LYN: variants seen among roughly 807,000 people sequenced by gnomAD.
LYN encodes LYN proto-oncogene, Src family tyrosine kinase.
LYN carries 12 observed loss-of-function variants against 65.0 expected under a neutral mutation model. That is an observed-to-expected ratio of 0.18 (90% CI 0.12 to 0.30). LYN has a LOEUF of 0.30. LYN is among the 10% of genes least tolerant of loss of function. LYN has a pLI of 1.00. For synonymous variants in LYN, 222 were observed against 221.2 expected (o/e 1.00, Z -0.03); for missense variants, 380 against 623.2 (o/e 0.61, Z 4.16).
At chr8:55,952,858 T>G (rs1001511620) in intron 7 of LYN, among the ~76,000 whole-genome samples, 1 of 152,172 alleles carries the variant, frequency 6.6e-6, no homozygotes, top group Non-Finnish European at 1.5e-5. Flanking sequence ...CTGAAATATT[T>G]AGAAGTGGCA....
rs569473175 is a variant in LYN, at chr8:55,977,218, C to T, written c.1050+7425C>T. ...AAATAAAAATAAAAATAAACTAGAC[C>T]GGTTCATTCTCAGTTGTGGAAGACT... is the stretch of plus-strand genomic sequence containing the variant. On this transcript the variant is annotated intron_variant, in intron 10 of 12. Transcript: ENST00000519728. Among the ~76,000 whole-genome samples, 47 of 152,136 alleles carry T rather than the reference C, an allele frequency of 3.1e-4. 2 individuals are homozygous for T. The South Asian group carries it at 6.6e-3, about 21-fold the overall frequency.
intron 1 of LYN, among the ~76,000 whole-genome samples, chr8:55,930,971 C>G (rs1806251752): frequency 6.6e-6 from 1 of 152,014 alleles, no homozygotes; most frequent in Non-Finnish European, 1.5e-5. Context: ...TTCTTACTCC[C>G]ACGGACAATT....
chr8:55,956,820 A>C (rs2130504369), intron 8 of LYN, among the ~76,000 whole-genome samples: 1 of 152,230 alleles, frequency 6.6e-6, no homozygotes. Flanking sequence ...TCGCAATCAC[A>C]CTTAATTGTG....
intron 7 of LYN, among the ~76,000 whole-genome samples, chr8:55,952,814 T>C (rs1043300064): frequency 6.6e-6 from 1 of 152,198 alleles, no homozygotes; most frequent in African/African-American, 2.4e-5. Flanking sequence ...GTAATGTATA[T>C]TCTTGGTAAA....
intron 1 of LYN, among the ~76,000 whole-genome samples, chr8:55,901,422 T>C (rs2130382288): frequency 6.6e-6 from 1 of 152,308 alleles, no homozygotes; most frequent in East Asian, 1.9e-4. Flanking sequence ...ACTGTTTAAT[T>C]GAACGGTTTC....
At chr8:55,911,246 C>CGTGT (rs1334977538) in intron 1 of LYN, among the ~76,000 whole-genome samples, 101 of 5,112 alleles carry the variant, frequency 0.02, 34 homozygotes, top group Non-Finnish European at 0.039. Context: ...TATATATATA[C>CGTGT]GTGTGTGTGT....
chr8:55,930,111 C>T (rs561897303), intron 1 of LYN, among the ~76,000 whole-genome samples: 69 of 152,312 alleles, frequency 4.5e-4, no homozygotes, highest in African/African-American at 1.5e-3. Flanking sequence ...CACCACCCCC[C>T]ACCTGACCCC....
intron 10 of LYN, among the ~76,000 whole-genome samples, chr8:55,983,785 T>A (rs569888108): frequency 6.6e-6 from 1 of 152,342 alleles, no homozygotes; most frequent in South Asian, 2.1e-4. Context: ...AACCTTGCAA[T>A]GTCCCAGAAC....
chr8:55,880,941 T>C (rs1269296692), intron 1 of LYN, among the ~76,000 whole-genome samples: 1 of 152,214 alleles, frequency 6.6e-6, no homozygotes, highest in Admixed American at 6.5e-5. Context: ...TGTTTTTGTA[T>C]ATCCGAGTGT....
At chr8:55,989,452 T>C (rs924316663) in intron 10 of LYN, among the ~76,000 whole-genome samples, 1 of 152,172 alleles carries the variant, frequency 6.6e-6, no homozygotes, top group Admixed American at 6.5e-5. Context: ...GTGTGTTTGA[T>C]GACACAAAAC....
rs1416147287 is a variant in LYN at position 56,011,920 on chromosome 8, G to A, written c.*1810G>A. On this transcript the variant is annotated 3_prime_UTR_variant, in exon 13 of 13. Transcript: ENST00000519728. The stretch of plus-strand genomic sequence containing the variant: ...TATTACCCAATATGTTACATGGAGA[G>A]GAACTATAAAGAATCCCTAAGGCAA... The A allele has an allele frequency of 1.1e-5, 2 of 187,140 alleles. No homozygotes were observed. Among genetic ancestry groups the A allele is most frequent in the African/African-American group, 4.7e-5 (2 of 42,644 alleles). 11.6% of individuals were successfully genotyped at this position (187,140 alleles called of 1,614,324 possible).
In LYN at chr8:55,995,083, T is replaced by G. The variant is rs377001364; in HGVS notation, c.1051-3263T>G. ...AGGAAACAGAGGCAGGGCTCCTCTC[T>G]CCCAGCCGCCACCAAAATTGCCACC... On this transcript the variant is annotated intron_variant, in intron 10 of 12. Coordinates refer to ENST00000519728, the MANE Select transcript of LYN (RefSeq NM_002350.4). 1.4e-4 allele frequency among the ~76,000 whole-genome samples: 21 copies of G among 152,230 alleles called. No homozygotes were observed. In the South Asian group the frequency reaches 2.1e-3, roughly 15 times the overall value.
At chr8:55,918,812 G>A (rs943773661) in intron 1 of LYN, among the ~76,000 whole-genome samples, 3 of 152,102 alleles carry the variant, frequency 2.0e-5, no homozygotes, top group African/African-American at 7.2e-5. Flanking sequence ...GATTCTGATC[G>A]GGTCCTGATG....
intron 1 of LYN, among the ~76,000 whole-genome samples, chr8:55,911,689 C>T (rs1805643021): frequency 6.6e-6 from 1 of 151,876 alleles, no homozygotes; most frequent in African/African-American, 2.4e-5. Context: ...CTGCGGGGCA[C>T]CTGCCCTGGA....
chr8:55,909,298 A>G (rs1805533425), intron 1 of LYN, among the ~76,000 whole-genome samples: 1 of 152,200 alleles, frequency 6.6e-6, no homozygotes, highest in African/African-American at 2.4e-5. Flanking sequence ...ACTGGACCCC[A>G]GTCCTGGCAT....
intron 10 of LYN, among the ~76,000 whole-genome samples, chr8:55,988,306 G>GTT (rs1169812545): frequency 6.6e-6 from 1 of 151,654 alleles, no homozygotes; most frequent in Non-Finnish European, 1.5e-5. Flanking sequence ...GTGTGTGTGT[G>GTT]TGTGTGTGTG....
At chr8:55,962,072 T>A (rs971044659) in intron 8 of LYN, among the ~76,000 whole-genome samples, 1 of 152,270 alleles carries the variant, frequency 6.6e-6, no homozygotes, top group Non-Finnish European at 1.5e-5. Flanking sequence ...GTCTTGCCTC[T>A]TTTACTCAAC....
intron 10 of LYN, among the ~76,000 whole-genome samples, chr8:55,979,834 G>A (rs765478646): frequency 6.6e-6 from 1 of 152,220 alleles, no homozygotes; most frequent in African/African-American, 2.4e-5. Context: ...GGCTCAGAGG[G>A]ATGCCACAGC....
chr8:55,999,128 C>A (rs975756016), intron 11 of LYN, among the ~76,000 whole-genome samples: 1 of 152,154 alleles, frequency 6.6e-6, no homozygotes, highest in South Asian at 2.1e-4. Context: ...CTCTCACCCA[C>A]GAGAGCTGAG....
Sources: gnomAD v4.1 joint callset for allele counts (sites outside exome capture counted in the v4.1 genomes callset) on GRCh38, gnomAD v4.1.1 for gene constraint, MANE v1.5 for transcripts, NCBI Gene and HGNC (gene_info 2026-07-23, HGNC 2026-07-21) for gene names.